Variants in COP1 observed in about 807,000 individuals in gnomAD.
The protein encoded by COP1 is COP1 E3 ubiquitin ligase, also known as E3 ubiquitin-protein ligase COP1.
A neutral mutation model predicts 101.3 loss-of-function variants in COP1; 24 were observed. The observed-to-expected ratio is 0.24, with a 90% CI of 0.17 to 0.33. The LOEUF (loss-of-function observed/expected upper bound fraction) is 0.33, where lower values mean the gene tolerates loss of function less well. COP1 is among the 10% of genes least tolerant of loss of function. COP1 has a pLI of 1.00. For missense variants in COP1, 663 were observed against 906.2 expected (o/e 0.73, Z 3.45); for synonymous variants, 347 against 341.9 (o/e 1.01, Z -0.17).
intron 14 of COP1, among the ~76,000 whole-genome samples, chr1:176,027,920 T>C (rs2149072256): frequency 6.8e-6 from 1 of 148,108 alleles, no homozygotes; most frequent in South Asian, 2.1e-4. Flanking sequence ...AAAAGAGGTT[T>C]AATTGACTCA....
At chr1:176,069,083 G>A (rs1194883352) in intron 11 of COP1, among the ~76,000 whole-genome samples, 1 of 152,118 alleles carries the variant, frequency 6.6e-6, no homozygotes, top group Non-Finnish European at 1.5e-5. Context: ...AGCCACAGGG[G>A]CTGAGGTGGG....
chr1:175,987,201 A>G, intron 17 of COP1, 98 bp from the exon 18 acceptor site: 1 of 626,720 alleles, frequency 1.6e-6, no homozygotes, highest in Non-Finnish European at 2.6e-6. Context: ...TATAGTTCAA[A>G]GATCTTTTAT....
intron 18 of COP1, among the ~76,000 whole-genome samples, chr1:175,972,456 C>G (rs906850135): frequency 1.4e-5 from 2 of 147,282 alleles, no homozygotes; most frequent in Non-Finnish European, 3.0e-5. Context: ...ATACAAAATA[C>G]AAGAATTTTT....
chr1:176,094,059 C>T (rs940956439), intron 9 of COP1, among the ~76,000 whole-genome samples: 5 of 149,298 alleles, frequency 3.3e-5, no homozygotes, highest in African/African-American at 7.4e-5. Flanking sequence ...ATCTGTTTAA[C>T]GGAAAAACAG....
At chr1:176,190,115 T>G (rs1572768889) in intron 1 of COP1, among the ~76,000 whole-genome samples, 1 of 152,120 alleles carries the variant, frequency 6.6e-6, no homozygotes, top group Non-Finnish European at 1.5e-5. Context: ...TTCAAACTAC[T>G]GCAGGGTGAA....
intron 9 of COP1, among the ~76,000 whole-genome samples, chr1:176,106,924 T>G (rs987317196): frequency 1.3e-5 from 2 of 152,166 alleles, no homozygotes; most frequent in African/African-American, 4.8e-5. Flanking sequence ...CTCCTGGCAT[T>G]CAGGTGCTTC....
chr1:176,106,869 G>A (rs1369569592), intron 9 of COP1, among the ~76,000 whole-genome samples: 1 of 152,146 alleles, frequency 6.6e-6, no homozygotes, highest in East Asian at 1.9e-4. Flanking sequence ...GTGGTTACAT[G>A]ACTAGCTCAC....
intron 10 of COP1, 134 bp from the exon 11 acceptor site, chr1:176,081,421 T>G: frequency 1.7e-6 from 1 of 605,632 alleles, no homozygotes; most frequent in South Asian, 3.4e-5. Context: ...TAAAGACTAG[T>G]TTACACAATT....
rs563923215 is a variant in COP1, at chr1:176,120,582, T to C, written c.969-3901A>G. 2.4e-4 allele frequency among the ~76,000 whole-genome samples: 37 copies of C among 152,360 alleles called. 1 individual carries two copies. The highest frequency in any genetic ancestry group is 9.1e-4 in the Admixed American group (14 of 15,304). On this transcript the variant is annotated intron_variant, in intron 8 of 19. Transcript: ENST00000367669. ...TTCTTGCTGGTAACAGTGAGAAGCT[T>C]TGCTAAAAAAAGTAACAACAATGCA...
intron 1 of COP1, among the ~76,000 whole-genome samples, chr1:176,187,592 A>G (rs929835703): frequency 6.6e-6 from 1 of 152,160 alleles, no homozygotes; most frequent in Non-Finnish European, 1.5e-5. Flanking sequence ...CACAGCTTTC[A>G]AGAAAAGTGA....
chr1:176,115,620 G>A (rs1046072719), intron 9 of COP1, among the ~76,000 whole-genome samples: 7 of 150,664 alleles, frequency 4.6e-5, no homozygotes, highest in African/African-American at 7.3e-5. Context: ...GTGGTGGCGC[G>A]TGCCTGTAGT....
In COP1 at chr1:176,172,746, G is replaced by GA. The variant is rs1696276340; in HGVS notation, c.565+3163dup. 2.6e-5 allele frequency among the ~76,000 whole-genome samples: 4 copies of GA among 151,994 alleles called. No individual in the cohort carries two copies. The South Asian group carries it at 6.2e-4, about 24-fold the overall frequency. On this transcript the variant is annotated intron_variant, in intron 3 of 19. Transcript: ENST00000367669. ...AACTTAGAAAACATTTTTTAGTATA[G>GA]AAAAAAACAAGTGATATTCCACTTT...
At chr1:175,972,173 A>G (rs1653376875) in intron 18 of COP1, among the ~76,000 whole-genome samples, 1 of 152,228 alleles carries the variant, frequency 6.6e-6, no homozygotes, top group South Asian at 2.1e-4. Flanking sequence ...TCACCTTCAG[A>G]AAGTCTAAAT....
intron 9 of COP1, among the ~76,000 whole-genome samples, chr1:176,112,186 T>C (rs891452647): frequency 6.6e-6 from 1 of 151,022 alleles, no homozygotes; most frequent in Non-Finnish European, 1.5e-5. Flanking sequence ...AAAGTCTCCT[T>C]CACCACATAA....
chr1:176,035,411 A>G (rs2149119647), intron 14 of COP1, among the ~76,000 whole-genome samples: 1 of 152,192 alleles, frequency 6.6e-6, no homozygotes, highest in South Asian at 2.1e-4. Context: ...AGACAGAACG[A>G]AAGGGTCTAA....
intron 15 of COP1, among the ~76,000 whole-genome samples, chr1:175,996,639 C>T (rs1660227898): frequency 6.6e-6 from 1 of 152,112 alleles, no homozygotes; most frequent in African/African-American, 2.4e-5. Context: ...GAGTGAACTC[C>T]CATTCACAAC....
At chr1:176,160,621 C>T (rs971191681) in intron 5 of COP1, among the ~76,000 whole-genome samples, 5 of 151,940 alleles carry the variant, frequency 3.3e-5, no homozygotes, top group African/African-American at 1.2e-4. Flanking sequence ...AGGATATGAA[C>T]AGACACTTCT....
At chr1:176,142,623 T>A (rs10913143) in intron 6 of COP1, among the ~76,000 whole-genome samples, 60,028 of 151,746 alleles carry the variant, frequency 0.4, 12,096 homozygotes, top group Middle Eastern at 0.45. Context: ...TATTTCAAAA[T>A]TTAACCAATT....
At chr1:176,166,565 C>T (rs75248386) in intron 3 of COP1, among the ~76,000 whole-genome samples, 1 of 152,188 alleles carries the variant, frequency 6.6e-6, no homozygotes, top group Non-Finnish European at 1.5e-5. Flanking sequence ...TCTACATTTA[C>T]CAAACGAAGT....
Sources: allele counts gnomAD v4.1 joint callset (sites outside exome capture counted in the v4.1 genomes callset), GRCh38; gene constraint gnomAD v4.1.1; transcripts MANE v1.5; gene names NCBI Gene and HGNC (gene_info 2026-07-23, HGNC 2026-07-21).